RTTN: variants seen among roughly 807,000 people sequenced by gnomAD.
The protein encoded by RTTN is rotatin.
In RTTN, 182 loss-of-function variants were observed where a neutral mutation model predicts 269.2. The observed-to-expected ratio is 0.68, with a 90% CI of 0.60 to 0.76. The LOEUF is 0.76. Ranked by LOEUF, RTTN falls within the 30% of genes least tolerant of loss-of-function variation. The pLI, the probability that RTTN is intolerant of heterozygous loss-of-function variation, is 0.00. For missense variants in RTTN, 2,545 were observed against 2,608.6 expected (o/e 0.98, Z 0.53); for synonymous variants, 1,006 against 963.5 (o/e 1.04, Z -0.82).
intron 28 of RTTN, among the ~76,000 whole-genome samples, chr18:70,102,988 G>A (rs1221340535): frequency 6.9e-6 from 1 of 144,806 alleles, no homozygotes; most frequent in Non-Finnish European, 1.5e-5. Flanking sequence ...TCTGGGAAGT[G>A]GGGAGCGCCT....
At position 70,048,140 on chromosome 18, in the gene RTTN, T is replaced by C; in HGVS notation, c.5372A>G (p.Tyr1791Cys). Residue 1791 changes from tyrosine (Y) to cysteine (C), a missense_variant, in exon 40 of 49, where the codon TAT becomes TGT. By Grantham distance (194) the Tyr-to-Cys change is radical. Coordinates refer to ENST00000640769, the MANE Select transcript of RTTN (RefSeq NM_173630.4). ...AGAAAGGAATTGCAAGCTGGCAGTA[T>C]ACAGGGCAGGACACGTGGCAGACAA... ...AGLSATCPAL[Y>C]TASLQFLSVL... The C allele has an allele frequency of 1.1e-5, 18 of 1,614,136 alleles. No homozygotes were observed. The highest frequency in any genetic ancestry group is 1.5e-5 in the Non-Finnish European group (18 of 1,179,988).
chr18:70,026,393 T>C (rs1480380930), intron 43 of RTTN, among the ~76,000 whole-genome samples: 1 of 152,098 alleles, frequency 6.6e-6, no homozygotes, highest in African/African-American at 2.4e-5. Context: ...CTCAAGACAG[T>C]GAGTGATCTC....
At chr18:70,105,424 T>A (rs1356267672) in intron 28 of RTTN, among the ~76,000 whole-genome samples, 1 of 152,224 alleles carries the variant, frequency 6.6e-6, no homozygotes, top group Non-Finnish European at 1.5e-5. Flanking sequence ...GGAAAAGGAA[T>A]TCCCTGACCT....
At position 70,004,140 on chromosome 18, in the gene RTTN, T is replaced by C; in HGVS notation, c.*11A>G. 1 of 1,604,854 alleles carries C rather than the reference T, an allele frequency of 6.2e-7. No individual in the cohort carries two copies. The highest frequency in any genetic ancestry group is 8.5e-7 in the Non-Finnish European group (1 of 1,171,748). ...TGACTGTCAGCTTCAAGGTGTAGCA[T>C]CCCATGGCACTCAGGAAGAATTAAG... On this transcript the variant is annotated 3_prime_UTR_variant, in exon 49 of 49. Transcript: ENST00000640769.
In RTTN at chr18:70,205,608, A is replaced by T; in HGVS notation, c.31+20T>A. Reference sequence around the variant, plus strand: ...CAGAGCGCGGGGGGTGCCTTGGGCGAGGGGCAAGCTGACAGTTACCGAGTT... The same window carrying T: ...CAGAGCGCGGGGGGTGCCTTGGGCGTGGGGCAAGCTGACAGTTACCGAGTT... On this transcript the variant is annotated intron_variant, in intron 1 of 48. Coordinates refer to ENST00000640769, the MANE Select transcript of RTTN (RefSeq NM_173630.4). 1 of 1,614,008 alleles carries T rather than the reference A, an allele frequency of 6.2e-7. No individual in the cohort carries two copies. Among genetic ancestry groups the T allele is most frequent in the South Asian group, 1.1e-5 (1 of 91,078 alleles).
At chr18:70,019,585 A>C (rs2056643203) in intron 45 of RTTN, 1 of 152,208 alleles carries the variant, frequency 6.6e-6, no homozygotes, top group African/African-American at 2.4e-5. Context: ...GTGAGGGTAG[A>C]AAAGATCCAA....
chr18:70,189,187 G>A (rs1043827076), intron 9 of RTTN, among the ~76,000 whole-genome samples: 4 of 152,184 alleles, frequency 2.6e-5, no homozygotes, highest in Non-Finnish European at 4.4e-5. Flanking sequence ...ACTTTATGAT[G>A]CCAAAGTTCA....
At chr18:70,138,019 C>T (rs1328119378) in intron 21 of RTTN, among the ~76,000 whole-genome samples, 1 of 152,324 alleles carries the variant, frequency 6.6e-6, no homozygotes, top group South Asian at 2.1e-4. Context: ...TGGCTCACGA[C>T]TGTAATCCCA....
chr18:70,191,639 A>G (rs1210506777), intron 8 of RTTN, among the ~76,000 whole-genome samples: 1 of 152,264 alleles, frequency 6.6e-6, no homozygotes, highest in Non-Finnish European at 1.5e-5. Context: ...TAAAAAGTGT[A>G]GAAAGGCTAG....
At chr18:70,166,711 C>G in intron 13 of RTTN, 3 of 413,064 alleles carry the variant, frequency 7.3e-6, no homozygotes, top group Non-Finnish European at 1.3e-5. Flanking sequence ...GTAGGCATGA[C>G]ATTTTTGAAG....
At chr18:70,100,651 T>C (rs1279357076) in intron 28 of RTTN, among the ~76,000 whole-genome samples, 4 of 152,316 alleles carry the variant, frequency 2.6e-5, no homozygotes, top group Middle Eastern at 3.4e-3. Context: ...CCCTGTCTTG[T>C]GCCAGTTTTC....
chr18:70,041,729 G>T (rs2057345468), intron 40 of RTTN, among the ~76,000 whole-genome samples: 1 of 152,162 alleles, frequency 6.6e-6, no homozygotes, highest in South Asian at 2.1e-4. Context: ...GCAGAGACAG[G>T]AAAATTTGTG....
chr18:70,082,365 T>A (rs2058591617), intron 32 of RTTN, among the ~76,000 whole-genome samples: 1 of 152,208 alleles, frequency 6.6e-6, no homozygotes, highest in Non-Finnish European at 1.5e-5. Flanking sequence ...TAAATTGGAT[T>A]ATCTGTGAAT....
chr18:70,120,579 TTTC>T (rs1227631472), intron 26 of RTTN, among the ~76,000 whole-genome samples: 4 of 152,288 alleles, frequency 2.6e-5, no homozygotes, highest in Admixed American at 2.0e-4. Flanking sequence ...TTGTTTTGTT[TTTC>T]TTCTTATTTG....
At chr18:70,072,587 G>A (rs1258421709) in intron 34 of RTTN, among the ~76,000 whole-genome samples, 1 of 151,984 alleles carries the variant, frequency 6.6e-6, no homozygotes, top group Non-Finnish European at 1.5e-5. Flanking sequence ...GGATAAATAT[G>A]ACTTCAGTGC....
At chr18:70,086,717 A>G in intron 31 of RTTN, 33 bp from the exon 32 acceptor site, 1 of 1,160,506 alleles carries the variant, frequency 8.6e-7, no homozygotes, top group Non-Finnish European at 1.2e-6. Flanking sequence ...AAAAAAAAAA[A>G]AAAAAAAAAA....
intron 10 of RTTN, among the ~76,000 whole-genome samples, chr18:70,184,738 G>GTGTGTGTC: frequency 8.9e-6 from 1 of 112,588 alleles, no homozygotes; most frequent in East Asian, 2.7e-4. Context: ...GTGTGTGTGT[G>GTGTGTGTC]TGTGTGTGTG....
intron 29 of RTTN, 100 bp from the exon 30 acceptor site, chr18:70,092,320 A>G (rs1222948788): frequency 3.8e-6 from 3 of 780,040 alleles, no homozygotes; most frequent in East Asian, 5.5e-5. Context: ...CAACGTGAAA[A>G]TGTATTTTAG....
intron 14 of RTTN, among the ~76,000 whole-genome samples, chr18:70,160,282 T>C (rs965159718): frequency 6.6e-6 from 1 of 151,734 alleles, no homozygotes; most frequent in East Asian, 1.9e-4. Context: ...ATTCAACATA[T>C]GCAAATCAAT....
Sources: gnomAD v4.1 joint callset for allele counts (sites outside exome capture counted in the v4.1 genomes callset) on GRCh38, gnomAD v4.1.1 for gene constraint, MANE v1.5 for transcripts, NCBI Gene and HGNC (gene_info 2026-07-23, HGNC 2026-07-21) for gene names.